Variants in CNTNAP2 observed in about 807,000 individuals in gnomAD.
The protein encoded by CNTNAP2 is contactin associated protein 2.
In CNTNAP2, 98 loss-of-function variants were observed where a neutral mutation model predicts 155.2. The observed-to-expected ratio is 0.63, with a 90% confidence interval of 0.54 to 0.75. The LOEUF is 0.75. CNTNAP2 is among the 30% of genes least tolerant of loss of function. CNTNAP2 has a pLI of 0.00. For missense variants in CNTNAP2, 1,727 were observed against 1,688.1 expected (o/e 1.02, Z -0.40); for synonymous variants, 651 against 631.2 (o/e 1.03, Z -0.47).
intron 13 of CNTNAP2, among the ~76,000 whole-genome samples, chr7:147,743,434 G>T (rs564031052): frequency 1.4e-4 from 22 of 152,110 alleles, no homozygotes; most frequent in Non-Finnish European, 2.6e-4. Flanking sequence ...AAAACCGGAT[G>T]CCCCAAAGCA....
At chr7:146,644,138 T>G (rs1017403811) in intron 1 of CNTNAP2, among the ~76,000 whole-genome samples, 3 of 152,210 alleles carry the variant, frequency 2.0e-5, no homozygotes, top group African/African-American at 7.2e-5. Flanking sequence ...CTTTTCCTAA[T>G]TGAATACCCT....
chr7:148,083,513 G>C (rs989346518), intron 15 of CNTNAP2, among the ~76,000 whole-genome samples: 1 of 152,194 alleles, frequency 6.6e-6, no homozygotes, highest in Admixed American at 6.5e-5. Context: ...CAGAGGCAGA[G>C]AGGAGAAAGT....
intron 1 of CNTNAP2, among the ~76,000 whole-genome samples, chr7:146,588,982 T>C (rs936889734): frequency 3.3e-5 from 5 of 152,208 alleles, no homozygotes; most frequent in African/African-American, 1.2e-4. Context: ...TAAAATTTCA[T>C]GTCACTATAA....
chr7:148,117,320 C>A (rs1324204720), intron 15 of CNTNAP2, among the ~76,000 whole-genome samples: 3 of 152,172 alleles, frequency 2.0e-5, no homozygotes, highest in Non-Finnish European at 1.5e-5. Flanking sequence ...CACCTGCAGT[C>A]CCCAGGAGGA....
At chr7:146,857,454 C>T (rs1795013222) in intron 3 of CNTNAP2, among the ~76,000 whole-genome samples, 1 of 152,154 alleles carries the variant, frequency 6.6e-6, no homozygotes. Flanking sequence ...TCTTTCAAAA[C>T]CAGATTGCCT....
At chr7:147,787,352 A>T (rs1163076103) in intron 13 of CNTNAP2, among the ~76,000 whole-genome samples, 1 of 152,192 alleles carries the variant, frequency 6.6e-6, no homozygotes, top group Non-Finnish European at 1.5e-5. Context: ...GGAGCAACTG[A>T]ATTTTTCAGA....
intron 1 of CNTNAP2, among the ~76,000 whole-genome samples, chr7:146,232,215 A>G (rs1433498612): frequency 6.6e-6 from 1 of 150,780 alleles, no homozygotes; most frequent in Non-Finnish European, 1.5e-5. Flanking sequence ...TTATGTATAT[A>G]AAAAAGACAA....
intron 13 of CNTNAP2, among the ~76,000 whole-genome samples, chr7:147,733,304 A>C (rs1796777356): frequency 6.6e-6 from 1 of 152,082 alleles, no homozygotes; most frequent in Non-Finnish European, 1.5e-5. Context: ...TGTTTTTGTC[A>C]GGTTTGTCAA....
rs184141986 is a variant in CNTNAP2 at position 147,022,222 on chromosome 7, A to T, written c.403-21685A>T. ...TTCTTTGGTCTGATTTCATTGTAAG[A>T]GTTCAGTGAGTCATTGCCTGCCAGG... On this transcript the variant is annotated intron_variant, in intron 3 of 23. Coordinates refer to ENST00000361727, the MANE Select transcript of CNTNAP2 (RefSeq NM_014141.6). Among the ~76,000 whole-genome samples, 511 of 152,198 alleles carry T rather than the reference A, an allele frequency of 3.4e-3. 4 individuals are homozygous for T. The highest frequency in any genetic ancestry group is 6.8e-3 in the South Asian group (33 of 4,820).
At chr7:147,349,349 T>A (rs1795931015) in intron 9 of CNTNAP2, among the ~76,000 whole-genome samples, 1 of 151,850 alleles carries the variant, frequency 6.6e-6, no homozygotes, top group Non-Finnish European at 1.5e-5. Flanking sequence ...GGGACCTGAA[T>A]TCTCAAAAAG....
chr7:146,131,672 T>A (rs1456011959), intron 1 of CNTNAP2, among the ~76,000 whole-genome samples: 1 of 152,220 alleles, frequency 6.6e-6, no homozygotes, highest in Non-Finnish European at 1.5e-5. Flanking sequence ...TGCAACATAC[T>A]TCAAAGACTT....
chr7:147,926,558 C>A (rs932901050), intron 14 of CNTNAP2, among the ~76,000 whole-genome samples: 1 of 152,132 alleles, frequency 6.6e-6, no homozygotes, highest in Non-Finnish European at 1.5e-5. Context: ...CACATTAAGT[C>A]ACTGTGATCT....
chr7:147,948,472 AAAAAT>A (rs1800858480), intron 14 of CNTNAP2, among the ~76,000 whole-genome samples: 1 of 151,150 alleles, frequency 6.6e-6, no homozygotes, highest in African/African-American at 2.4e-5. Flanking sequence ...TTAATAAAAT[AAAAAT>A]AAAATAAATG....
intron 9 of CNTNAP2, among the ~76,000 whole-genome samples, chr7:147,337,050 G>A (rs1051419176): frequency 2.6e-5 from 4 of 152,094 alleles, no homozygotes; most frequent in African/African-American, 9.7e-5. Flanking sequence ...GAAATGGTAA[G>A]AAAATATTAA....
At chr7:147,643,322 T>C (rs559434653) in intron 13 of CNTNAP2, 10 of 152,310 alleles carry the variant, frequency 6.6e-5, no homozygotes, top group African/African-American at 2.4e-4. Flanking sequence ...TCTCTAAATA[T>C]CGTAAAGTGA....
At chr7:146,713,164 A>G (rs1224418806) in intron 1 of CNTNAP2, among the ~76,000 whole-genome samples, 1 of 152,196 alleles carries the variant, frequency 6.6e-6, no homozygotes, top group Non-Finnish European at 1.5e-5. Flanking sequence ...ATACTCAAAA[A>G]GATACAGTAC....
intron 11 of CNTNAP2, among the ~76,000 whole-genome samples, chr7:147,512,486 C>T (rs1443515817): frequency 6.6e-6 from 1 of 152,134 alleles, no homozygotes; most frequent in South Asian, 2.1e-4. Flanking sequence ...ATTCCAGAAT[C>T]TAGCCATATT....
intron 17 of CNTNAP2, among the ~76,000 whole-genome samples, chr7:148,163,980 G>C (rs1805600920): frequency 6.6e-6 from 1 of 152,192 alleles, no homozygotes; most frequent in Non-Finnish European, 1.5e-5. Context: ...TGTTGCCCAG[G>C]CTGGAGTGCC....
chr7:147,493,013 C>A (rs535389865), intron 11 of CNTNAP2, among the ~76,000 whole-genome samples: 1 of 152,002 alleles, frequency 6.6e-6, no homozygotes, highest in African/African-American at 2.4e-5. Context: ...AAAAAAAGTG[C>A]TTTTTAAATT....
Sources: allele counts gnomAD v4.1 joint callset (sites outside exome capture counted in the v4.1 genomes callset), GRCh38; gene constraint gnomAD v4.1.1; transcripts MANE v1.5; gene names NCBI Gene and HGNC (gene_info 2026-07-23, HGNC 2026-07-21).